TENM2: variants seen among roughly 807,000 people sequenced by gnomAD.
The protein encoded by TENM2 is teneurin-2.
TENM2 carries 52 observed loss-of-function variants against 245.2 expected under a neutral mutation model. The ratio of observed to expected loss-of-function variants is 0.21; its 90% CI spans 0.17 to 0.27. The LOEUF (loss-of-function observed/expected upper bound fraction) is 0.27. Ranked by LOEUF, TENM2 falls within the 10% of genes least tolerant of loss-of-function variation. The probability of loss-of-function intolerance (pLI) is 1.00; values close to 1 mark genes in which losing one functional copy is unlikely to be tolerated. For missense variants in TENM2, 3,046 were observed against 3,666.8 expected (o/e 0.83, Z 4.37); for synonymous variants, 1,363 against 1,438.9 (o/e 0.95, Z 1.19).
At chr5:167,615,753 AAAAG>A (rs908422002) in intron 2 of TENM2, among the ~76,000 whole-genome samples, 6 of 152,088 alleles carry the variant, frequency 3.9e-5, no homozygotes, top group African/African-American at 1.4e-4. Context: ...CTTAAGAAAA[AAAAG>A]AAAGGCAAGC....
chr5:167,867,397 C>T (rs1486739340), intron 2 of TENM2, among the ~76,000 whole-genome samples: 4 of 152,180 alleles, frequency 2.6e-5, no homozygotes, highest in Admixed American at 6.5e-5. Context: ...TGCATAGGGT[C>T]TCAAACTGTG....
chr5:168,208,597 G>T (rs142210598), intron 19 of TENM2, among the ~76,000 whole-genome samples: 1 of 152,226 alleles, frequency 6.6e-6, no homozygotes, highest in Non-Finnish European at 1.5e-5. Context: ...AGACTATGTG[G>T]TTCCACTTAA....
upstream of TENM2, among the ~76,000 whole-genome samples, chr5:167,281,936 G>T (rs542327581): frequency 4.6e-4 from 67 of 146,938 alleles, no homozygotes; most frequent in South Asian, 1.9e-3. Flanking sequence ...GGAGGCAGAG[G>T]ATGCAGTGAG....
At chr5:167,926,413 A>G (rs1402569505) in intron 3 of TENM2, among the ~76,000 whole-genome samples, 8 of 152,126 alleles carry the variant, frequency 5.3e-5, no homozygotes, top group Non-Finnish European at 1.0e-4. Flanking sequence ...CATGGCTACA[A>G]AAGAGCAACA....
intron 1 of TENM2, among the ~76,000 whole-genome samples, chr5:167,291,035 T>A (rs1260308862): frequency 6.6e-6 from 1 of 152,248 alleles, no homozygotes; most frequent in African/African-American, 2.4e-5. Context: ...ATGTCTATAT[T>A]TTTTGATAAC....
At chr5:167,435,715 G>A (rs1191315365) in intron 2 of TENM2, among the ~76,000 whole-genome samples, 8 of 152,130 alleles carry the variant, frequency 5.3e-5, no homozygotes, top group Non-Finnish European at 7.3e-5. Context: ...AAAAATGTGG[G>A]AAAGTTTGGG....
chr5:168,224,506 C>G (rs1763973781), intron 23 of TENM2, among the ~76,000 whole-genome samples: 1 of 152,224 alleles, frequency 6.6e-6, no homozygotes, highest in Admixed American at 6.5e-5. Context: ...ATTCTTTATT[C>G]CAAAAACATT....
chr5:167,147,842 A>C, the TENM2 span, among the ~76,000 whole-genome samples: 1 of 152,184 alleles, frequency 6.6e-6, no homozygotes, highest in African/African-American at 2.4e-5. Flanking sequence ...CAGGATAAAC[A>C]CCAAAAGTCA....
chr5:167,761,417 A>G (rs892438163), intron 2 of TENM2, among the ~76,000 whole-genome samples: 1 of 152,138 alleles, frequency 6.6e-6, no homozygotes, highest in Non-Finnish European at 1.5e-5. Context: ...CAAGTGTCCC[A>G]AAGAGGCCAC....
At chr5:167,532,219 T>C (rs1330981371) in intron 2 of TENM2, among the ~76,000 whole-genome samples, 2 of 152,122 alleles carry the variant, frequency 1.3e-5, no homozygotes, top group Non-Finnish European at 2.9e-5. Flanking sequence ...AAGGTGGTGT[T>C]AGACAAGATA....
intron 2 of TENM2, among the ~76,000 whole-genome samples, chr5:167,562,403 T>A (rs1773651206): frequency 6.6e-6 from 1 of 151,874 alleles, no homozygotes; most frequent in African/African-American, 2.4e-5. Flanking sequence ...ATGGGGAGAA[T>A]GAGGTGTGGG....
the TENM2 span, among the ~76,000 whole-genome samples, chr5:167,028,243 C>G: frequency 1.3e-5 from 2 of 152,112 alleles, no homozygotes; most frequent in South Asian, 4.1e-4. Context: ...AGAATTTATT[C>G]TGTCACCATA....
At chr5:167,012,800 C>T in the TENM2 span, among the ~76,000 whole-genome samples, 1 of 152,014 alleles carries the variant, frequency 6.6e-6, no homozygotes, top group East Asian at 1.9e-4. Flanking sequence ...TCCCTTTTAC[C>T]AAGCATATAC....
intron 2 of TENM2, among the ~76,000 whole-genome samples, chr5:167,737,307 G>A (rs1484544640): frequency 1.3e-5 from 2 of 152,172 alleles, no homozygotes; most frequent in Non-Finnish European, 2.9e-5. Flanking sequence ...GAGGTGGGAA[G>A]CATCTTTCTT....
chr5:167,612,880 T>C (rs963756565), intron 2 of TENM2, among the ~76,000 whole-genome samples: 1 of 152,054 alleles, frequency 6.6e-6, no homozygotes, highest in African/African-American at 2.4e-5. Context: ...TATTCAGAAA[T>C]GGATGTGTCC....
At chr5:167,445,369 A>AGAGAGAGAGAGAGAGAGAGGGT (rs35699708) in intron 2 of TENM2, among the ~76,000 whole-genome samples, 1 of 98,578 alleles carries the variant, frequency 1.0e-5, no homozygotes, top group Non-Finnish European at 1.9e-5. Flanking sequence ...AGAGAGAGAG[A>AGAGAGAGAGAGAGAGAGAGGGT]GTGTCAGGTG....
the TENM2 span, among the ~76,000 whole-genome samples, chr5:167,279,514 T>TTCCCTTCCTTCC: frequency 7.1e-3 from 700 of 98,292 alleles, 18 homozygotes; most frequent in African/African-American, 0.019. Flanking sequence ...CCTTCCTTCC[T>TTCCCTTCCTTCC]TTCCTTCCTT....
intron 1 of TENM2, among the ~76,000 whole-genome samples, chr5:167,365,505 T>C (rs1249094161): frequency 6.6e-6 from 1 of 150,662 alleles, no homozygotes; most frequent in Non-Finnish European, 1.5e-5. Context: ...AAAATAAAAC[T>C]CCAGTAAGAA....
chr5:167,852,668 T>C (rs749262092), intron 2 of TENM2, among the ~76,000 whole-genome samples: 5 of 152,208 alleles, frequency 3.3e-5, no homozygotes, highest in Non-Finnish European at 7.4e-5. Context: ...CGTGTCTCTA[T>C]GTACTGTATA....
Sources: allele counts gnomAD v4.1 joint callset (sites outside exome capture counted in the v4.1 genomes callset), GRCh38; gene constraint gnomAD v4.1.1; transcripts MANE v1.5; gene names NCBI Gene and HGNC (gene_info 2026-07-23, HGNC 2026-07-21).